The following TMPRSS6 variants were observed in gnomAD, a reference collection of about 807,000 sequenced individuals.
TMPRSS6 encodes transmembrane serine protease 6, also known as transmembrane protease serine 6.
Under a neutral mutation model 101.5 loss-of-function variants are expected in TMPRSS6, and 67 were observed. That is an observed-to-expected ratio of 0.66 (90% CI 0.54 to 0.81). TMPRSS6 has a LOEUF of 0.81. Among genes scored for constraint, TMPRSS6 ranks in the 30% least tolerant of loss-of-function variants. The pLI, the probability that TMPRSS6 is intolerant of heterozygous loss-of-function variation, is 0.00. For missense variants in TMPRSS6, 1,034 were observed against 1,088.7 expected, an observed-to-expected ratio of 0.95 and a Z score of 0.71; for synonymous variants, 453 against 464.9, an observed-to-expected ratio of 0.97 and a Z score of 0.33.
At chr22:37,079,997 T>TGGTG (rs1330919389) in intron 10 of TMPRSS6, 1 of 152,276 alleles carries the variant, frequency 6.6e-6, no homozygotes, top group Non-Finnish European at 1.5e-5. Context: ...GTTCTGCCTG[T>TGGTG]CCCCACTGGC....
chr22:37,101,892 G>C lies in TMPRSS6; in HGVS notation c.202+1324C>G, dbSNP rs1291966445. The stretch of plus-strand genomic sequence containing the variant: ...CCCCCACAGCCCTGTGCTATCTGGG[G>C]CACTGGCTTCCTGCTGGTGGTGAAA... On this transcript the variant is annotated intron_variant, in intron 2 of 17. Coordinates refer to ENST00000676104, the MANE Select transcript of TMPRSS6 (RefSeq NM_001374504.1). The surrounding 1 kb of genome is among the most constrained non-coding windows in gnomAD (Gnocchi z 4.1). Among the ~76,000 whole-genome samples, 2 of 152,190 alleles carry C rather than the reference G, an allele frequency of 1.3e-5. No homozygotes were observed. The highest frequency in any genetic ancestry group is 4.8e-5 in the African/African-American group (2 of 41,416).
chr22:37,079,612 G>A (rs1363508994), intron 10 of TMPRSS6, among the ~76,000 whole-genome samples: 1 of 152,238 alleles, frequency 6.6e-6, no homozygotes, highest in Non-Finnish European at 1.5e-5. Context: ...CTAGACCTGG[G>A]GCTGCAGAGC....
At position 37,066,777 on chromosome 22, in the gene TMPRSS6, G is replaced by C. The variant is rs773636595; in HGVS notation, c.2250+49C>G. ...AAAGGGCCAGACCCTGGTGATGTGG[G>C]CAGCATCCTTTCTCCCTCCTCTCTC... On this transcript the variant is annotated intron_variant, in intron 17 of 17. Coordinates refer to ENST00000676104, the MANE Select transcript of TMPRSS6 (RefSeq NM_001374504.1). 8.7e-6 allele frequency: 14 copies of C among 1,612,846 alleles called. No homozygotes were observed. The South Asian group carries it at 1.4e-4, about 16-fold the overall frequency.
intron 1 of TMPRSS6, among the ~76,000 whole-genome samples, chr22:37,104,634 C>T (rs2146193054): frequency 6.6e-6 from 1 of 152,316 alleles, no homozygotes; most frequent in African/African-American, 2.4e-5. Context: ...TTCATCTCCT[C>T]TTACTATATC....
chr22:37,089,501 T>G, intron 7 of TMPRSS6, 77 bp downstream of exon 7: 1 of 1,383,766 alleles, frequency 7.2e-7, no homozygotes. Flanking sequence ...CTAAGAATGC[T>G]GTGTGTGACT....
intron 7 of TMPRSS6, 110 bp downstream of exon 7, chr22:37,089,468 C>T: frequency 9.1e-7 from 1 of 1,100,960 alleles, no homozygotes; most frequent in Non-Finnish European, 1.3e-6. Flanking sequence ...GATACCCAGG[C>T]CCAAGGTCCT....
chr22:37,099,528 C>T (rs1930114451), intron 2 of TMPRSS6, among the ~76,000 whole-genome samples: 1 of 152,334 alleles, frequency 6.6e-6, no homozygotes, highest in South Asian at 2.1e-4. Flanking sequence ...TCAGTAAATA[C>T]CTCTTGAGAG....
At chr22:37,083,644 C>T (rs1343872118) in intron 10 of TMPRSS6, among the ~76,000 whole-genome samples, 1 of 152,260 alleles carries the variant, frequency 6.6e-6, no homozygotes, top group Non-Finnish European at 1.5e-5. Context: ...TGGCCTCATG[C>T]CATAGTGACC....
intron 10 of TMPRSS6, chr22:37,083,159 G>C: frequency 2.2e-6 from 1 of 452,680 alleles, no homozygotes; most frequent in South Asian, 1.6e-5. Flanking sequence ...TTCCGAGGTT[G>C]GAAGGGAGGG....
intron 2 of TMPRSS6, among the ~76,000 whole-genome samples, chr22:37,102,184 G>A (rs1373302506): frequency 6.6e-6 from 1 of 152,250 alleles, no homozygotes; most frequent in African/African-American, 2.4e-5. Context: ...TTTGCAGGAT[G>A]TTTAATGGGA....
At chr22:37,099,126 A>T (rs1043110129) in intron 2 of TMPRSS6, among the ~76,000 whole-genome samples, 1 of 152,166 alleles carries the variant, frequency 6.6e-6, no homozygotes, top group Non-Finnish European at 1.5e-5. Flanking sequence ...TGTTGAGGGG[A>T]TGTGACGAGG....
Position 37,084,718 on chromosome 22 carries a change from G to T in TMPRSS6, c.1086+9C>A, listed in dbSNP as rs2146105192. 6.4e-7 allele frequency: 1 copy of T among 1,554,590 alleles called. No homozygotes were observed. The highest frequency in any genetic ancestry group is 1.9e-5 in the Admixed American group (1 of 51,494). On this transcript the variant is annotated intron_variant, in intron 9 of 17. Transcript: ENST00000676104. ...AGAGGGCAGGTGGGCAGGCAGGGTG[G>T]GGTCTCACCGTGAGGTGCCAGGAGC...
chr22:37,096,851 C>A, intron 3 of TMPRSS6, 136 bp from the exon 4 acceptor site: 2 of 876,228 alleles, frequency 2.3e-6, no homozygotes, highest in East Asian at 2.7e-5. Context: ...GGCTTGATCA[C>A]GGTCACACAG....
At chr22:37,070,004 G>T (rs1298595297) in intron 15 of TMPRSS6, among the ~76,000 whole-genome samples, 2 of 152,266 alleles carry the variant, frequency 1.3e-5, no homozygotes, top group East Asian at 3.9e-4. Flanking sequence ...CTGTCTGGGG[G>T]TGGATTGGGG....
At chr22:37,086,482 G>T (rs148741646) in intron 7 of TMPRSS6, 63 bp from the exon 8 acceptor site, 52 of 1,537,864 alleles carry the variant, frequency 3.4e-5, no homozygotes, top group Non-Finnish European at 4.6e-5. Context: ...CAGGGAGGGC[G>T]GCAGGCGGCT....
chr22:37,104,123 C>T (rs983371007), intron 1 of TMPRSS6, among the ~76,000 whole-genome samples: 4 of 152,306 alleles, frequency 2.6e-5, no homozygotes, highest in African/African-American at 9.6e-5. Flanking sequence ...GCCCACACCA[C>T]GTGGGTACTT....
In TMPRSS6 at chr22:37,069,917, AGAGC is replaced by A. The variant is rs1162487522; in HGVS notation, c.1841+563_1841+566del. On this transcript the variant is annotated intron_variant, in intron 15 of 17. Coordinates refer to ENST00000676104, the MANE Select transcript of TMPRSS6 (RefSeq NM_001374504.1). This position sits in a 1 kb window ranked among gnomAD's most constrained non-coding sequence, Gnocchi z 4.8. ...TGGGGTTAAAGAGAGCTAGGTGGTC[AGAGC>A]GCCCTGCGTCCCAGAGAGGATACAA... Among the ~76,000 whole-genome samples, 2 of 152,156 alleles carry A rather than the reference AGAGC, an allele frequency of 1.3e-5. No homozygotes were observed. The highest frequency in any genetic ancestry group is 2.4e-5 in the African/African-American group (1 of 41,428).
intron 10 of TMPRSS6, among the ~76,000 whole-genome samples, chr22:37,078,900 GGAA>G (rs1033687800): frequency 7.1e-4 from 102 of 143,586 alleles, no homozygotes; most frequent in African/African-American, 2.6e-3. Context: ...AGGAGAATAA[GGAA>G]GAAGAAAGAA....
At chr22:37,107,771 C>T (rs1930804169) in intron 1 of TMPRSS6, among the ~76,000 whole-genome samples, 1 of 152,194 alleles carries the variant, frequency 6.6e-6, no homozygotes, top group African/African-American at 2.4e-5. Flanking sequence ...TGGCTCCCTC[C>T]TTTACCTCCT....
Sources: gnomAD v4.1 joint callset for allele counts (sites outside exome capture counted in the v4.1 genomes callset) on GRCh38, gnomAD v4.1.1 for gene constraint, Gnocchi (gnomAD v3.1) non-coding constraint, MANE v1.5 for transcripts, NCBI Gene and HGNC (gene_info 2026-07-23, HGNC 2026-07-21) for gene names.